Variants in TBC1D8B observed in about 807,000 individuals in gnomAD.
TBC1D8B encodes the protein RP11-321G1.1.
TBC1D8B carries 75 observed loss-of-function variants against 82.9 expected under a neutral mutation model. The ratio of observed to expected loss-of-function variants is 0.90; its 90% CI spans 0.75 to 1.10. The LOEUF (loss-of-function observed/expected upper bound fraction) is 1.10, where lower values mean the gene tolerates loss of function less well. Ranked by LOEUF, TBC1D8B falls within the 50% of genes least tolerant of loss-of-function variation. The pLI, the probability that TBC1D8B is intolerant of heterozygous loss-of-function variation, is 0.00. For synonymous variants in TBC1D8B, 276 were observed against 276.8 expected (o/e 1.00, Z 0.03); for missense variants, 794 against 796.9 (o/e 1.00, Z 0.04).
At chrX:106,862,070 A>C (rs1334741562) in intron 14 of TBC1D8B, among the ~76,000 whole-genome samples, 2 of 112,101 alleles carry the variant, frequency 1.8e-5, no homozygotes, top group Non-Finnish European at 3.8e-5. Flanking sequence ...ATAGGCCTTC[A>C]ATCTTTTTTG....
At chrX:106,803,174 T>C (rs1265739973) in intron 1 of TBC1D8B, among the ~76,000 whole-genome samples, 191 bp downstream of exon 1, 1 of 111,223 alleles carries the variant, frequency 9.0e-6, no homozygotes, top group Non-Finnish European at 1.9e-5. Flanking sequence ...GGACGACGAG[T>C]TGCTCTTTGG....
intron 16 of TBC1D8B, 128 bp downstream of exon 16, chrX:106,866,161 C>T (rs1932814030): frequency 1.6e-6 from 1 of 643,305 alleles, no homozygotes; most frequent in East Asian, 3.6e-5. Flanking sequence ...AATAAATGGA[C>T]CCTTTTCTGC....
intron 2 of TBC1D8B, among the ~76,000 whole-genome samples, chrX:106,819,716 T>G (rs1931643816): frequency 9.0e-6 from 1 of 110,799 alleles, no homozygotes; most frequent in East Asian, 2.8e-4. Flanking sequence ...TCACTTAACC[T>G]AAATGAGGTT....
At chrX:106,871,947 C>T (rs1932850818) in intron 20 of TBC1D8B, among the ~76,000 whole-genome samples, 1 of 111,328 alleles carries the variant, frequency 9.0e-6, no homozygotes, top group African/African-American at 3.3e-5. Context: ...GGGTGCACCA[C>T]CCTCCCGGCA....
chrX:106,823,500 T>C, intron 5 of TBC1D8B, 34 bp downstream of exon 5: 2 of 1,181,358 alleles, frequency 1.7e-6, no homozygotes, highest in South Asian at 1.9e-5. Flanking sequence ...TTTCAAAGTA[T>C]TGTTTGACCA....
rs200749497 is a variant in TBC1D8B at position 106,819,793 on chromosome X, A to AT, written c.241+1028dup. On this transcript the variant is annotated intron_variant, in intron 2 of 20. Transcript: ENST00000357242. ...ACTCTAAATCTGGTTAGTAAAAATT[A>AT]TTTTTTTTAAAAAAAGGCCTTTCTA... 2.6e-3 allele frequency among the ~76,000 whole-genome samples: 291 copies of AT among 110,342 alleles called. 2 individuals are homozygous for AT. Among genetic ancestry groups the AT allele is most frequent in the Admixed American group, 0.024 (250 of 10,271 alleles).
At chrX:106,862,766 G>GTT (rs199693098) in intron 14 of TBC1D8B, among the ~76,000 whole-genome samples, 9 of 35,764 alleles carry the variant, frequency 2.5e-4, no homozygotes, top group Non-Finnish European at 3.4e-4. Flanking sequence ...CTTTGGATGG[G>GTT]TTTTTTTTTG....
At chrX:106,871,018 C>T (rs192630811) in intron 20 of TBC1D8B, among the ~76,000 whole-genome samples, 10 of 111,370 alleles carry the variant, frequency 9.0e-5, no homozygotes, top group African/African-American at 3.3e-4. Flanking sequence ...TCCAGTGTTT[C>T]AGAGAATTCT....
At chrX:106,869,598 G>A in intron 19 of TBC1D8B, 57 bp downstream of exon 19, 1 of 992,819 alleles carries the variant, frequency 1.0e-6, no homozygotes, top group South Asian at 2.4e-5. Flanking sequence ...TGTAAATAAG[G>A]ATAGCTACAA....
intron 7 of TBC1D8B, among the ~76,000 whole-genome samples, chrX:106,836,827 G>C (rs975987081): frequency 9.0e-6 from 1 of 111,600 alleles, no homozygotes; most frequent in Non-Finnish European, 1.9e-5. Flanking sequence ...TGTGATACTG[G>C]CATAAGGGGA....
Position 106,823,437 on chromosome X carries a change from C to T in TBC1D8B, c.798C>T (p.Val266=), listed in dbSNP as rs376431662. 4 of 1,209,269 alleles carry T rather than the reference C, an allele frequency of 3.3e-6. No homozygotes were observed. Among genetic ancestry groups the T allele is most frequent in the Non-Finnish European group, 4.5e-6 (4 of 893,974 alleles). ...AGGAAACATTTGATAATGACCCAGTCCTTTATAATCCTCTACAGATCACCA... is the reference window on the plus strand; with the variant it reads ...AGGAAACATTTGATAATGACCCAGTTCTTTATAATCCTCTACAGATCACCA... ...FDKETFDNDP[V]LYNPLQITKR... Residue 266 remains valine (V), a synonymous_variant, in exon 5 of 21, where the codon GTC becomes GTT. Transcript: ENST00000357242.
intron 1 of TBC1D8B, among the ~76,000 whole-genome samples, chrX:106,809,796 A>C (rs1458672099): frequency 1.9e-5 from 2 of 107,851 alleles, no homozygotes; most frequent in Admixed American, 9.9e-5. Context: ...AGGCAGGAGA[A>C]TCACTGGAAC....
chrX:106,828,683 A>G (rs1931930925), intron 7 of TBC1D8B: 1 of 109,269 alleles, frequency 9.2e-6, no homozygotes, highest in Non-Finnish European at 1.9e-5. Context: ...AGAGCCAAAG[A>G]CAAAAACCAC....
intron 4 of TBC1D8B, 150 bp downstream of exon 4, chrX:106,822,352 T>C (rs1778200351): frequency 2.1e-6 from 1 of 484,540 alleles, no homozygotes; most frequent in Non-Finnish European, 3.3e-6. Flanking sequence ...GGGAAAGAAC[T>C]CTTTTAAGAC....
At chrX:106,840,562 A>C in intron 9 of TBC1D8B, 108 bp from the exon 10 acceptor site, 1 of 718,649 alleles carries the variant, frequency 1.4e-6, no homozygotes, top group African/African-American at 2.1e-5. Flanking sequence ...AAATCACTTA[A>C]GCATAAGGCT....
intron 7 of TBC1D8B, among the ~76,000 whole-genome samples, chrX:106,831,134 T>G (rs1275272980): frequency 9.0e-6 from 1 of 110,889 alleles, no homozygotes; most frequent in East Asian, 2.8e-4. Context: ...CTATTTGTAT[T>G]TTAATTAAAA....
chrX:106,858,027 C>T (rs1932731569), intron 14 of TBC1D8B, among the ~76,000 whole-genome samples: 1 of 112,219 alleles, frequency 8.9e-6, no homozygotes, highest in Admixed American at 9.4e-5. Context: ...TTTACATTTC[C>T]ACCAGCAGTG....
intron 10 of TBC1D8B, among the ~76,000 whole-genome samples, chrX:106,843,899 T>C (rs1165043768): frequency 8.9e-6 from 1 of 111,747 alleles, no homozygotes; most frequent in Non-Finnish European, 1.9e-5. Context: ...TCCAAAGATG[T>C]TTTATAGTTT....
chrX:106,840,997 G>T (rs995265334), intron 10 of TBC1D8B, 113 bp downstream of exon 10: 2 of 586,949 alleles, frequency 3.4e-6, no homozygotes, highest in Non-Finnish European at 2.7e-6. Context: ...GGGTGAGATA[G>T]ATAGAGCATA....
Sources: gnomAD v4.1 joint callset for allele counts (sites outside exome capture counted in the v4.1 genomes callset) on GRCh38, gnomAD v4.1.1 for gene constraint, MANE v1.5 for transcripts, NCBI Gene and HGNC (gene_info 2026-07-23, HGNC 2026-07-21) for gene names.